CUX2: variants seen among roughly 807,000 people sequenced by gnomAD.
CUX2 encodes the protein homeobox protein cut-like 2.
In CUX2, 40 loss-of-function variants were observed where a neutral mutation model predicts 144.8. That is an observed-to-expected ratio of 0.28 (90% CI 0.21 to 0.36). The LOEUF (loss-of-function observed/expected upper bound fraction) is 0.36, where lower values mean the gene tolerates loss of function less well. CUX2 is among the 10% of genes least tolerant of loss of function. CUX2 has a pLI of 1.00. For synonymous variants in CUX2, 827 were observed against 875.6 expected (o/e 0.94, Z 0.98); for missense variants, 1,615 against 1,994.0 (o/e 0.81, Z 3.62).
chr12:111,187,996 T>C (rs1212253010), intron 1 of CUX2, among the ~76,000 whole-genome samples: 4 of 152,242 alleles, frequency 2.6e-5, no homozygotes, highest in Admixed American at 6.5e-5. Flanking sequence ...TCTCATTTTC[T>C]TACGTCCCTC....
Position 111,068,794 on chromosome 12 carries a change from G to A in CUX2, c.63+34554G>A, listed in dbSNP as rs1377039400. Among the ~76,000 whole-genome samples, 1 of 152,192 alleles carries A rather than the reference G, an allele frequency of 6.6e-6. No individual in the cohort carries two copies. The highest frequency in any genetic ancestry group is 1.5e-5 in the Non-Finnish European group (1 of 68,024). Reference sequence around the variant, plus strand: ...ATGGCCCTCCTGTTGGACAGGAGGGGAAAATCTCATGGTTAAGAATGTGGC... The same window carrying A: ...ATGGCCCTCCTGTTGGACAGGAGGGAAAAATCTCATGGTTAAGAATGTGGC... On this transcript the variant is annotated intron_variant, in intron 1 of 21. Coordinates refer to ENST00000261726, the MANE Select transcript of CUX2 (RefSeq NM_015267.4). This position sits in a 1 kb window ranked among gnomAD's most constrained non-coding sequence, Gnocchi z 4.9.
intron 19 of CUX2, among the ~76,000 whole-genome samples, chr12:111,335,455 A>G (rs1020276864): frequency 6.6e-6 from 1 of 152,016 alleles, no homozygotes; most frequent in Non-Finnish European, 1.5e-5. Context: ...TCACGCCTGT[A>G]ACCTCAGCAC....
chr12:111,301,126 A>AC (rs1286328377), intron 9 of CUX2, among the ~76,000 whole-genome samples: 1 of 152,136 alleles, frequency 6.6e-6, no homozygotes, highest in African/African-American at 2.4e-5. Context: ...ACTAAAACCC[A>AC]CACATTATGG....
intron 1 of CUX2, among the ~76,000 whole-genome samples, chr12:111,082,112 G>A (rs534474356): frequency 9.2e-5 from 14 of 152,168 alleles, no homozygotes; most frequent in African/African-American, 1.4e-4. Context: ...TCATTTTGCC[G>A]TTTTAAATCA....
At chr12:111,055,246 C>A (rs1870463401) in intron 1 of CUX2, among the ~76,000 whole-genome samples, 2 of 152,170 alleles carry the variant, frequency 1.3e-5, no homozygotes, top group African/African-American at 4.8e-5. Flanking sequence ...GGGCCTGGGC[C>A]CAAATTACTG....
At position 111,322,011 on chromosome 12, in the gene CUX2, A is replaced by G. The variant is rs1285183091; in HGVS notation, c.2767-410A>G. ...ACAAATGAAGGCCGCCTGGACTCCA[A>G]CAGAGGGGAGGGGAGGGGATGGGAG... On this transcript the variant is annotated intron_variant, in intron 17 of 21. Transcript: ENST00000261726. The surrounding 1 kb of genome is among the most constrained non-coding windows in gnomAD (Gnocchi z 4.2). Among the ~76,000 whole-genome samples the G allele has an allele frequency of 2.0e-5, 3 of 151,848 alleles. No homozygotes were observed. The highest frequency in any genetic ancestry group is 1.3e-4 in the Admixed American group (2 of 15,216).
In CUX2 at chr12:111,312,210, G is replaced by T; in HGVS notation, c.2002+9G>T. The T allele has an allele frequency of 1.3e-6, 2 of 1,597,130 alleles. No individual in the cohort carries two copies. The highest frequency in any genetic ancestry group is 2.2e-5 in the South Asian group (2 of 89,328). ...CGAGTCGCAGAAGGGCGGTGAGTGT[G>T]ACCCCTGCAGGCAAAGCCTGAGGCC... is the stretch of plus-strand genomic sequence containing the variant. On this transcript the variant is annotated intron_variant, in intron 16 of 21. Coordinates refer to ENST00000261726, the MANE Select transcript of CUX2 (RefSeq NM_015267.4). The surrounding 1 kb of genome is among the most constrained non-coding windows in gnomAD (Gnocchi z 4.3).
At chr12:111,092,732 T>C (rs1035177857) in intron 1 of CUX2, among the ~76,000 whole-genome samples, 1 of 151,364 alleles carries the variant, frequency 6.6e-6, no homozygotes, top group African/African-American at 2.4e-5. Flanking sequence ...ATCTTTGCAG[T>C]GACCCTCTGA....
intron 1 of CUX2, among the ~76,000 whole-genome samples, chr12:111,041,439 A>G (rs1869737117): frequency 1.3e-5 from 2 of 152,184 alleles, no homozygotes; most frequent in Admixed American, 6.5e-5. Flanking sequence ...TGGGGTTACT[A>G]TATTAGTATT....
At position 111,348,397 on chromosome 12, in the gene CUX2, A is replaced by T; in HGVS notation, c.*72A>T. ...TCTCGCACTTACTCTCCTCAACAGG[A>T]TGGGGTAAGGGAGGGAGGAACTCAA... On this transcript the variant is annotated 3_prime_UTR_variant, in exon 22 of 22. Coordinates refer to ENST00000261726, the MANE Select transcript of CUX2 (RefSeq NM_015267.4). 2.1e-6 allele frequency: 3 copies of T among 1,399,452 alleles called. No individual in the cohort carries two copies. The highest frequency in any genetic ancestry group is 3.0e-6 in the Non-Finnish European group (3 of 1,015,288). The allele number at this position is 1,399,452 out of a possible 1,614,324, so 86.7% of individuals were successfully genotyped here. A position where few individuals can be genotyped will look rare whatever the true frequency, so the allele number is the denominator to read the frequency against.
At chr12:111,134,474 C>T (rs1386219526) in intron 1 of CUX2, among the ~76,000 whole-genome samples, 1 of 152,082 alleles carries the variant, frequency 6.6e-6, no homozygotes, top group African/African-American at 2.4e-5. Context: ...GAGAGCCAAC[C>T]CCAGAAATCC....
intron 20 of CUX2, among the ~76,000 whole-genome samples, chr12:111,339,280 G>A (rs1489593964): frequency 6.6e-6 from 1 of 151,732 alleles, no homozygotes; most frequent in Admixed American, 6.6e-5. Context: ...ATCTCTTGTT[G>A]TCCTTTCACA....
At chr12:111,259,576 AAGT>A (rs1163244987) in intron 3 of CUX2, among the ~76,000 whole-genome samples, 1 of 152,172 alleles carries the variant, frequency 6.6e-6, no homozygotes, top group Non-Finnish European at 1.5e-5. Flanking sequence ...AAAAAGTAAG[AAGT>A]GTAGCTGGAC....
At chr12:111,200,212 GCCCTGTGTAGCTGTCCCTGGCCATAC>G (rs566093335) in intron 1 of CUX2, among the ~76,000 whole-genome samples, 1 of 152,174 alleles carries the variant, frequency 6.6e-6, no homozygotes, top group Admixed American at 6.5e-5. Context: ...ATCTGCACCT[GCCCTGTGTAGCTGTCCCTGGCCATAC>G]CTTTATTTAC....
chr12:111,306,960 G>C lies in CUX2; in HGVS notation c.898G>C (p.Glu300Gln), dbSNP rs1371176414. ...CACTCTGTGCTCGGGCCCTCGGCTG[G>C]AGGCCGCGCTGGCCTCCAAGGACAG... ...NFTLCSGPRL[E>Q]AALASKDREI... Residue 300 changes from glutamate to glutamine, a missense_variant, in exon 11 of 22, where the codon GAG becomes CAG. Around this residue, in one of 12 missense-constraint regions of CUX2, gnomAD observed 295 missense variants for 400.2 expected, o/e 0.74. Transcript: ENST00000261726. 3.1e-6 allele frequency: 5 copies of C among 1,613,090 alleles called. No individual in the cohort carries two copies. The highest frequency in any genetic ancestry group is 4.2e-6 in the Non-Finnish European group (5 of 1,179,466).
intron 1 of CUX2, among the ~76,000 whole-genome samples, chr12:111,195,357 CAG>C (rs879584076): frequency 5.3e-5 from 8 of 151,634 alleles, no homozygotes; most frequent in Non-Finnish European, 1.2e-4. Flanking sequence ...ATGGAAAAGA[CAG>C]AGTTTATAAA....
At position 111,037,138 on chromosome 12, in the gene CUX2, G is replaced by C. The variant is rs1212442268; in HGVS notation, c.63+2898G>C. Among the ~76,000 whole-genome samples the C allele has an allele frequency of 4.6e-5, 7 of 152,194 alleles. No homozygotes were observed. The highest frequency in any genetic ancestry group is 2.9e-5 in the Non-Finnish European group (2 of 68,032). ...TAGGAGAGGCAGGTCCCCGTGCCCA[G>C]CCCCAGGCAGCCGGAGAGCCGGGGT... On this transcript the variant is annotated intron_variant, in intron 1 of 21. Coordinates refer to ENST00000261726, the MANE Select transcript of CUX2 (RefSeq NM_015267.4). The surrounding 1 kb of genome is among the most constrained non-coding windows in gnomAD (Gnocchi z 5.4).
chr12:111,270,747 T>C (rs1047002848), intron 4 of CUX2: 2 of 152,154 alleles, frequency 1.3e-5, no homozygotes, highest in African/African-American at 4.8e-5. Flanking sequence ...TGTTTTCTAC[T>C]GTGCTTTGGT....
chr12:111,057,493 C>A lies in CUX2; in HGVS notation c.63+23253C>A, dbSNP rs901979485. 6.6e-6 allele frequency among the ~76,000 whole-genome samples: 1 copy of A among 152,176 alleles called. No homozygotes were observed. The highest frequency in any genetic ancestry group is 2.1e-4 in the South Asian group (1 of 4,826). The stretch of plus-strand genomic sequence containing the variant: ...GCACCACCTTTCCTTGCTTTCCAAG[C>A]TGCCCTCTTGAGGGCCTCAGGGTGA... On this transcript the variant is annotated intron_variant, in intron 1 of 21. Transcript: ENST00000261726. This position sits in a 1 kb window ranked among gnomAD's most constrained non-coding sequence, Gnocchi z 5.1.
Sources: allele counts gnomAD v4.1 joint callset (sites outside exome capture counted in the v4.1 genomes callset), GRCh38; gene constraint gnomAD v4.1.1; regional missense constraint gnomAD v4.1.1; non-coding constraint Gnocchi (gnomAD v3.1); transcripts MANE v1.5; gene names NCBI Gene and HGNC (gene_info 2026-07-23, HGNC 2026-07-21).